Variants in PABIR2 observed in about 807,000 individuals in gnomAD.
PABIR2 encodes PABIR family member 2, also known as family with sequence similarity 122B.
Under a neutral mutation model 22.8 loss-of-function variants are expected in PABIR2, and 7 were observed. The ratio of observed to expected loss-of-function variants is 0.31; its 90% confidence interval spans 0.17 to 0.58. The LOEUF (loss-of-function observed/expected upper bound fraction) is 0.58, where lower values mean the gene tolerates loss of function less well. Ranked by LOEUF, PABIR2 falls within the 20% of genes least tolerant of loss-of-function variation. The pLI, the probability that PABIR2 is intolerant of heterozygous loss-of-function variation, is 0.89. For missense variants in PABIR2, 155 were observed against 205.1 expected (o/e 0.76, Z 1.49); for synonymous variants, 67 against 73.8 (o/e 0.91, Z 0.47).
intron 9 of PABIR2, among the ~76,000 whole-genome samples, chrX:134,777,521 T>C (rs1407094853): frequency 1.3e-5 from 1 of 79,703 alleles, no homozygotes; most frequent in Non-Finnish European, 2.3e-5. Flanking sequence ...CCAGATCTTG[T>C]ATCAAAAAAA....
intron 9 of PABIR2, among the ~76,000 whole-genome samples, chrX:134,777,506 A>G (rs2147895665): frequency 9.9e-6 from 1 of 100,776 alleles, no homozygotes; most frequent in East Asian, 3.2e-4. Flanking sequence ...AGTCTGGGCA[A>G]TAGACCAGAT....
chrX:134,792,307 A>G lies in PABIR2; in HGVS notation c.177+1508T>C, dbSNP rs980917763. On this transcript the variant is annotated intron_variant, in intron 2 of 9. Coordinates refer to ENST00000343004, the MANE Select transcript of PABIR2 (RefSeq NM_001387468.1). Reference sequence around the variant, plus strand: ...AACTAGGTATTTCAGTGAGAGATGAACCTAGACCATGGTTGATAAGAATCT... The same window carrying G: ...AACTAGGTATTTCAGTGAGAGATGAGCCTAGACCATGGTTGATAAGAATCT... 5.4e-5 allele frequency among the ~76,000 whole-genome samples: 6 copies of G among 111,836 alleles called. No individual in the cohort carries two copies. In the Admixed American group the frequency reaches 5.7e-4, roughly 11 times the overall value.
At chrX:134,795,546 T>C (rs774818183) in intron 1 of PABIR2, among the ~76,000 whole-genome samples, 1 of 111,876 alleles carries the variant, frequency 8.9e-6, no homozygotes, top group East Asian at 2.8e-4. Flanking sequence ...TCACTGACCC[T>C]AAGCTACAGA....
At chrX:134,785,234 CAA>C (rs1360027135) in intron 8 of PABIR2, among the ~76,000 whole-genome samples, 1 of 111,964 alleles carries the variant, frequency 8.9e-6, no homozygotes, top group African/African-American at 3.2e-5. Context: ...CCCTAGAACA[CAA>C]GAGAGCAATG....
chrX:134,782,271 T>C (rs992175760), intron 8 of PABIR2, among the ~76,000 whole-genome samples: 1 of 112,280 alleles, frequency 8.9e-6, no homozygotes, highest in South Asian at 3.7e-4. Flanking sequence ...GTATGCTACA[T>C]GGTTAGCAAG....
rs1473872853 is a variant in PABIR2, at chrX:134,771,896, A to G, written c.*243T>C. 27 of 935,094 alleles carry G rather than the reference A, an allele frequency of 2.9e-5. No homozygotes were observed. The highest frequency in any genetic ancestry group is 3.4e-5 in the Non-Finnish European group (26 of 754,623). 77.1% of individuals were successfully genotyped at this position (935,094 alleles called of 1,213,427 possible). On this transcript the variant is annotated 3_prime_UTR_variant, in exon 10 of 10. Coordinates refer to ENST00000343004, the MANE Select transcript of PABIR2 (RefSeq NM_001387468.1). ...AAAAGATTCCTCTAAGCAATCAAAA[A>G]TCAGCATTTGAGATTTAATCACTAA...
At chrX:134,788,891 C>G (rs2079461088) in intron 5 of PABIR2, 60 bp from the exon 6 acceptor site, 1 of 1,058,728 alleles carries the variant, frequency 9.4e-7, no homozygotes, top group Admixed American at 2.4e-5. Context: ...CTCTTACTTA[C>G]TACTATAACA....
At position 134,796,448 on chromosome X, in the gene PABIR2, G is replaced by A. The variant is rs1157335669; in HGVS notation, c.-243C>T. 1 of 361,822 alleles carries A rather than the reference G, an allele frequency of 2.8e-6. No homozygotes were observed. The highest frequency in any genetic ancestry group is 4.8e-6 in the Non-Finnish European group (1 of 207,871). 29.8% of individuals were successfully genotyped at this position (361,822 alleles called of 1,213,427 possible). A position where few individuals can be genotyped will look rare whatever the true frequency, so the allele number is the denominator to read the frequency against. On this transcript the variant is annotated 5_prime_UTR_variant, in exon 1 of 10. Coordinates refer to ENST00000343004, the MANE Select transcript of PABIR2 (RefSeq NM_001387468.1). ...TGAGGCAGGAGAGGAGGACGAAGAG[G>A]TAGTGGTGGAAGGTGACAGAATGAA...
At chrX:134,795,707 T>C (rs1306931943) in intron 1 of PABIR2, among the ~76,000 whole-genome samples, 2 of 112,466 alleles carry the variant, frequency 1.8e-5, no homozygotes, top group African/African-American at 3.2e-5. Context: ...TAAACATCTG[T>C]TAATGCCAGG....
At chrX:134,794,117 G>A (rs1013596512) in intron 1 of PABIR2, 2 of 597,727 alleles carry the variant, frequency 3.3e-6, no homozygotes, top group African/African-American at 5.0e-5. Context: ...CTCAGTGGTC[G>A]GGGGGCAGCT....
intron 6 of PABIR2, among the ~76,000 whole-genome samples, chrX:134,788,080 C>T (rs763391975): frequency 3.8e-5 from 4 of 105,574 alleles, no homozygotes; most frequent in South Asian, 7.8e-4. Flanking sequence ...GTAATATACA[C>T]GTTATATGTG....
At chrX:134,793,423 G>A (rs1379090925) in intron 2 of PABIR2, among the ~76,000 whole-genome samples, 1 of 112,378 alleles carries the variant, frequency 8.9e-6, no homozygotes. Flanking sequence ...TCTTCATTTT[G>A]GAAAACCAGC....
At chrX:134,786,515 T>C (rs761045003) in intron 7 of PABIR2, among the ~76,000 whole-genome samples, 1 of 111,662 alleles carries the variant, frequency 9.0e-6, no homozygotes, top group South Asian at 3.8e-4. Context: ...CAAAACTCCG[T>C]CGCAAAAATA....
rs1457995791 is a variant in PABIR2, at chrX:134,796,437, A to G, written c.-232T>C. ...GAGGATGATGGTGAGGCAGGAGAGGAGGACGAAGAGGTAGTGGTGGAAGGT... is the reference window on the plus strand; with the variant it reads ...GAGGATGATGGTGAGGCAGGAGAGGGGGACGAAGAGGTAGTGGTGGAAGGT... On this transcript the variant is annotated 5_prime_UTR_variant, in exon 1 of 10. Coordinates refer to ENST00000343004, the MANE Select transcript of PABIR2 (RefSeq NM_001387468.1). 1 of 372,048 alleles carries G rather than the reference A, an allele frequency of 2.7e-6. No homozygotes were observed. 30.7% of individuals were successfully genotyped at this position (372,048 alleles called of 1,213,427 possible).
chrX:134,790,227 C>A (rs189080225), intron 2 of PABIR2, among the ~76,000 whole-genome samples: 2 of 112,207 alleles, frequency 1.8e-5, no homozygotes, highest in Non-Finnish European at 1.9e-5. Flanking sequence ...TTTAAAATAA[C>A]TGATGCTTTC....
chrX:134,786,017 G>A (rs746199235), intron 7 of PABIR2, 67 bp from the exon 8 acceptor site: 1 of 975,770 alleles, frequency 1.0e-6, no homozygotes, highest in Admixed American at 2.3e-5. Context: ...CAGCAGTCCA[G>A]CCCAACAAAT....
chrX:134,789,540 T>C, intron 3 of PABIR2, 40 bp downstream of exon 3: 1 of 1,111,824 alleles, frequency 9.0e-7, no homozygotes, highest in Non-Finnish European at 1.2e-6. Flanking sequence ...AAATGTAAAA[T>C]CCAAAAAATT....
At chrX:134,774,910 A>G (rs1251631296) in intron 9 of PABIR2, among the ~76,000 whole-genome samples, 2 of 112,258 alleles carry the variant, frequency 1.8e-5, no homozygotes, top group African/African-American at 6.5e-5. Context: ...ATCCATGTCA[A>G]GTAAGACTTA....
Position 134,789,399 on chromosome X carries a change from A to G in PABIR2, c.235-133T>C, listed in dbSNP as rs1315129709. 4 of 893,256 alleles carry G rather than the reference A, an allele frequency of 4.5e-6. No homozygotes were observed. The African/African-American group carries it at 5.9e-5, about 13-fold the overall frequency. The allele number at this position is 893,256 out of a possible 1,213,427, so 73.6% of individuals were successfully genotyped here. A position where few individuals can be genotyped will look rare whatever the true frequency, so the allele number is the denominator to read the frequency against. ...AAAAGACTTTTTCTACCTCATTGAC[A>G]TAATCACAGTAGAGTGGAACATTCA... is the stretch of plus-strand genomic sequence containing the variant. On this transcript the variant is annotated intron_variant, in intron 3 of 9. Coordinates refer to ENST00000343004, the MANE Select transcript of PABIR2 (RefSeq NM_001387468.1).
Sources: gnomAD v4.1 joint callset for allele counts (sites outside exome capture counted in the v4.1 genomes callset) on GRCh38, gnomAD v4.1.1 for gene constraint, MANE v1.5 for transcripts, NCBI Gene and HGNC (gene_info 2026-07-23, HGNC 2026-07-21) for gene names.